The following CORO1C variants were observed in gnomAD, a reference collection of about 807,000 sequenced individuals.
CORO1C encodes coronin-1C.
Under a neutral mutation model 51.2 loss-of-function variants are expected in CORO1C, and 14 were observed. The ratio of observed to expected loss-of-function variants is 0.27; its 90% CI spans 0.18 to 0.43. The LOEUF (loss-of-function observed/expected upper bound fraction) is 0.43, where lower values mean the gene tolerates loss of function less well. Among genes scored for constraint, CORO1C ranks in the 20% least tolerant of loss-of-function variants. The pLI is 1.00. For synonymous variants in CORO1C, 181 were observed against 210.5 expected, an observed-to-expected ratio of 0.86 and a Z score of 1.21; for missense variants, 417 against 607.8, an observed-to-expected ratio of 0.69 and a Z score of 3.30.
chr12:108,718,149 T>C (rs1459381273), intron 1 of CORO1C, among the ~76,000 whole-genome samples: 1 of 152,100 alleles, frequency 6.6e-6, no homozygotes, highest in African/African-American at 2.4e-5. Context: ...GTCAGGAGAT[T>C]GAGACCACCC....
intron 3 of CORO1C, among the ~76,000 whole-genome samples, chr12:108,675,725 G>A (rs1321742188): frequency 1.3e-5 from 2 of 152,174 alleles, no homozygotes; most frequent in Non-Finnish European, 2.9e-5. Flanking sequence ...GCAACCCCTA[G>A]TGAATGACTG....
At chr12:108,729,521 C>G (rs2035666607) in intron 1 of CORO1C, among the ~76,000 whole-genome samples, 1 of 152,138 alleles carries the variant, frequency 6.6e-6, no homozygotes, top group Non-Finnish European at 1.5e-5. Flanking sequence ...TTGTCCAATC[C>G]TCAGTACACA....
chr12:108,703,487 G>A (rs900173967), intron 1 of CORO1C, among the ~76,000 whole-genome samples: 1 of 152,180 alleles, frequency 6.6e-6, no homozygotes, highest in Non-Finnish European at 1.5e-5. Context: ...ATAAACTTTC[G>A]AAGATGGAAA....
chr12:108,702,692 A>G, intron 1 of CORO1C: 3 of 1,236,892 alleles, frequency 2.4e-6, no homozygotes, highest in Non-Finnish European at 2.2e-6. Context: ...GACGAGACAC[A>G]TGGTGGGCTG....
intron 8 of CORO1C, among the ~76,000 whole-genome samples, chr12:108,651,637 C>G (rs184507174): frequency 6.6e-6 from 1 of 152,188 alleles, no homozygotes; most frequent in Non-Finnish European, 1.5e-5. Context: ...ACTTGCCCAC[C>G]AGGGAACGCT....
chr12:108,686,256 C>G (rs2034291051), intron 2 of CORO1C, among the ~76,000 whole-genome samples: 1 of 152,208 alleles, frequency 6.6e-6, no homozygotes, highest in Non-Finnish European at 1.5e-5. Flanking sequence ...AGGGGCCACT[C>G]AGAAAGACAT....
intron 7 of CORO1C, among the ~76,000 whole-genome samples, chr12:108,653,852 T>C (rs1305783813): frequency 2.0e-5 from 3 of 152,220 alleles, no homozygotes; most frequent in Non-Finnish European, 2.9e-5. Context: ...TCCAAGTCCA[T>C]GGTGTGTGGT....
intron 10 of CORO1C, among the ~76,000 whole-genome samples, chr12:108,647,771 C>T (rs538734067): frequency 6.6e-6 from 1 of 152,292 alleles, no homozygotes; most frequent in East Asian, 1.9e-4. Context: ...CTTCTGATCC[C>T]GAAGCCTGTG....
At chr12:108,648,468 T>C (rs2032480240) in intron 10 of CORO1C, 137 bp downstream of exon 10, 2 of 1,185,418 alleles carry the variant, frequency 1.7e-6, no homozygotes, top group African/African-American at 1.5e-5. Context: ...ACCGAGGACC[T>C]TCTCCCACTT....
intron 1 of CORO1C, chr12:108,702,868 C>CT (rs1359812607): frequency 6.5e-7 from 1 of 1,535,690 alleles, no homozygotes; most frequent in African/African-American, 1.4e-5. Flanking sequence ...GTAAGAGACC[C>CT]TTGGCAGGCA....
Position 108,658,906 on chromosome 12 carries a change from G to T in CORO1C, c.462C>A (p.Ala154=). 6.2e-7 allele frequency: 1 copy of T among 1,607,292 alleles called. No homozygotes were observed. The change falls in exon 5 of 11, where the codon GCC becomes GCA. Residue 154 remains alanine, a synonymous_variant. Transcript: ENST00000261401. This position sits in a 1 kb window ranked among gnomAD's most constrained non-coding sequence, Gnocchi z 4.9. ...NVLLSAGCDN[A]IIIWNVGTGE... is the part of the protein sequence containing the mutation. ...CTGTTCCCACATTCCAGATGATAAT[G>T]GCATTATCACAGCCTAAAACAGGCA...
intron 1 of CORO1C, chr12:108,702,874 A>G: frequency 6.5e-7 from 1 of 1,535,912 alleles, no homozygotes. Context: ...GACCCTTGGC[A>G]GGCAATTGAG....
Position 108,678,366 on chromosome 12 carries a change from G to A in CORO1C, c.224C>T (p.Thr75Ile). Residue 75 changes from threonine (T) to isoleucine (I), a missense_variant, in exon 3 of 11, where the codon ACA becomes ATA. Physicochemically the swap from Thr to Ile is moderately conservative, Grantham distance 89. Coordinates refer to ENST00000261401, the MANE Select transcript of CORO1C (RefSeq NM_014325.4). ...CACTGGTCCTGTGTGGCCACATACT[G>A]TAGGGTAAGATTTGTCAATTCGACC... ...KTGRIDKSYPTVCGHTGPVLD... is the reference protein window; with the variant it reads ...KTGRIDKSYPIVCGHTGPVLD... The A allele has an allele frequency of 1.3e-6, 2 of 1,598,992 alleles. No individual in the cohort carries two copies. The highest frequency in any genetic ancestry group is 1.3e-5 in the African/African-American group (1 of 74,160).
intron 3 of CORO1C, 118 bp downstream of exon 3, chr12:108,678,154 C>G: frequency 1.3e-6 from 1 of 787,438 alleles, no homozygotes; most frequent in Non-Finnish European, 1.9e-6. Flanking sequence ...ACAGTCAAAA[C>G]TGCTATAACG....
At chr12:108,648,164 G>C (rs2032458288) in intron 10 of CORO1C, among the ~76,000 whole-genome samples, 1 of 152,104 alleles carries the variant, frequency 6.6e-6, no homozygotes, top group Non-Finnish European at 1.5e-5. Flanking sequence ...TAGCCACTCA[G>C]CTACATCTGA....
At chr12:108,660,050 T>C (rs2033190595) in intron 4 of CORO1C, among the ~76,000 whole-genome samples, 2 of 152,138 alleles carry the variant, frequency 1.3e-5, no homozygotes, top group Admixed American at 1.3e-4. Context: ...TGAAGCAAAA[T>C]ACGGGAAGGA....
rs924887183 is a variant in CORO1C at position 108,695,851 on chromosome 12, T to TAAAAA, written c.195+5268_195+5272dup. 4.6e-4 allele frequency among the ~76,000 whole-genome samples: 29 copies of TAAAAA among 62,422 alleles called. 2 individuals are homozygous for TAAAAA. Among genetic ancestry groups the TAAAAA allele is most frequent in the Non-Finnish European group, 5.7e-4 (17 of 29,858 alleles). The allele number at this position is 62,422 out of a possible 152,430, so 41.0% of individuals were successfully genotyped here. On this transcript the variant is annotated intron_variant, in intron 2 of 10. Coordinates refer to ENST00000261401, the MANE Select transcript of CORO1C (RefSeq NM_014325.4). The stretch of plus-strand genomic sequence containing the variant: ...GGCTATGTATCACCCTTGGGAGAAC[T>TAAAAA]AAAAAAAAAAAAAAAAAAAAAAAAC...
intron 3 of CORO1C, among the ~76,000 whole-genome samples, chr12:108,669,703 C>CG (rs2033642529): frequency 5.0e-5 from 1 of 20,140 alleles, no homozygotes; most frequent in African/African-American, 2.0e-4. Context: ...CGGGGGGTGG[C>CG]GGGGGGTGTT....
chr12:108,677,459 G>C (rs998390766), intron 3 of CORO1C, among the ~76,000 whole-genome samples: 21 of 152,290 alleles, frequency 1.4e-4, no homozygotes, highest in African/African-American at 5.1e-4. Flanking sequence ...TTCTTAACCA[G>C]GGTCCACTGG....
Sources: gnomAD v4.1 joint callset for allele counts (sites outside exome capture counted in the v4.1 genomes callset) on GRCh38, gnomAD v4.1.1 for gene constraint, Gnocchi (gnomAD v3.1) non-coding constraint, MANE v1.5 for transcripts, NCBI Gene and HGNC (gene_info 2026-07-23, HGNC 2026-07-21) for gene names.